CLPTM1L: variants seen among roughly 807,000 people sequenced by gnomAD.
CLPTM1L encodes the protein CLPTM1 like, also known as lipid scramblase CLPTM1L.
Under a neutral mutation model 70.9 loss-of-function variants are expected in CLPTM1L, and 38 were observed. The ratio of observed to expected loss-of-function variants is 0.54; its 90% CI spans 0.41 to 0.70. The LOEUF (loss-of-function observed/expected upper bound fraction) is 0.70, where lower values mean the gene tolerates loss of function less well. Ranked by LOEUF, CLPTM1L falls within the 30% of genes least tolerant of loss-of-function variation. The pLI, the probability that CLPTM1L is intolerant of heterozygous loss-of-function variation, is 0.00. For synonymous variants in CLPTM1L, 339 were observed against 299.9 expected, an observed-to-expected ratio of 1.13 and a Z score of -1.35; for missense variants, 652 against 705.9, an observed-to-expected ratio of 0.92 and a Z score of 0.87.
intron 8 of CLPTM1L, chr5:1,331,432 C>G: frequency 3.1e-6 from 1 of 317,686 alleles, no homozygotes; most frequent in South Asian, 6.7e-5. Context: ...GCGAGGGAAC[C>G]AAGACAGGGG....
chr5:1,338,111 C>T, intron 4 of CLPTM1L, 129 bp from the exon 5 acceptor site: 1 of 741,188 alleles, frequency 1.3e-6, no homozygotes, highest in East Asian at 2.7e-5. Flanking sequence ...TTCTCAGTCA[C>T]AATGACCCCA....
At chr5:1,321,548 T>C in intron 15 of CLPTM1L, 87 bp downstream of exon 15, 1 of 1,162,284 alleles carries the variant, frequency 8.6e-7, no homozygotes, top group Middle Eastern at 1.9e-4. Context: ...TGGGCAGAGA[T>C]GGCCCCAGTA....
chr5:1,328,311 A>G (rs1293258937), intron 9 of CLPTM1L, among the ~76,000 whole-genome samples: 3 of 140,016 alleles, frequency 2.1e-5, no homozygotes, highest in African/African-American at 8.6e-5. Context: ...CATTTCATCC[A>G]GCTACTCCTC....
intron 10 of CLPTM1L, 133 bp from the exon 11 acceptor site, chr5:1,324,946 T>C (rs1752425377): frequency 6.5e-6 from 5 of 769,298 alleles, no homozygotes; most frequent in Middle Eastern, 2.7e-4. Context: ...CTCAGGTCCC[T>C]ACCAGGCGAG....
chr5:1,318,587 CAGA>C lies in CLPTM1L; in HGVS notation c.1533-137_1533-135del. The C allele has an allele frequency of 1.1e-5, 8 of 718,598 alleles. No homozygotes were observed. The highest frequency in any genetic ancestry group is 1.9e-5 in the Non-Finnish European group (8 of 423,108). 44.5% of individuals were successfully genotyped at this position (718,598 alleles called of 1,614,324 possible). A position where few individuals can be genotyped will look rare whatever the true frequency, so the allele number is the denominator to read the frequency against. On this transcript the variant is annotated intron_variant, in intron 16 of 16. Transcript: ENST00000320895. This position sits in a 1 kb window ranked among gnomAD's most constrained non-coding sequence, Gnocchi z 8.9. ...CAAATTAACTAAAAAGTCGAATCCT[CAGA>C]AGTTTTACTGCCGAGGGCTGAGGAG...
In CLPTM1L at chr5:1,329,846, GGCCTCAGGACTCTCTGCTTGGTGGACAGA is replaced by G. The variant is rs1561239142; in HGVS notation, c.1080+405_1080+433del. On this transcript the variant is annotated intron_variant, in intron 9 of 16. Coordinates refer to ENST00000320895, the MANE Select transcript of CLPTM1L (RefSeq NM_030782.5). The stretch of plus-strand genomic sequence containing the variant: ...TCAGGACTCTCTGCTTGGTGGACAG[GGCCTCAGGACTCTCTGCTTGGTGGACAGA>G]GCCTCAGGACTCTCTGCTTGGTGGA... 5.6e-3 allele frequency among the ~76,000 whole-genome samples: 472 copies of G among 84,536 alleles called. 6 individuals carry two copies. The highest frequency in any genetic ancestry group is 0.023 in the African/African-American group (355 of 15,634). 55.5% of individuals were successfully genotyped at this position (84,536 alleles called of 152,430 possible).
intron 3 of CLPTM1L, 24 bp from the exon 4 acceptor site, chr5:1,339,029 C>T (rs780432615): frequency 1.1e-5 from 18 of 1,606,618 alleles, no homozygotes; most frequent in South Asian, 5.5e-5. Context: ...AAAACAGAGG[C>T]CAATGCTGGG....
At chr5:1,338,306 C>A in intron 4 of CLPTM1L, 1 of 398,436 alleles carries the variant, frequency 2.5e-6, no homozygotes. Flanking sequence ...ACGGAGCAAT[C>A]CCAGGATGCA....
intron 7 of CLPTM1L, chr5:1,332,151 T>TG: frequency 2.1e-6 from 1 of 466,198 alleles, no homozygotes; most frequent in Admixed American, 3.4e-5. Flanking sequence ...CCCAGGCAAT[T>TG]GGAGGCTCTG....
chr5:1,334,895 A>C (rs1753462695), intron 6 of CLPTM1L, among the ~76,000 whole-genome samples, 162 bp downstream of exon 6: 1 of 152,260 alleles, frequency 6.6e-6, no homozygotes, highest in Non-Finnish European at 1.5e-5. Context: ...GTCATCTCCA[A>C]GGAGAGAAGT....
At chr5:1,339,378 G>C (rs1044195128) in intron 3 of CLPTM1L, among the ~76,000 whole-genome samples, 6 of 141,954 alleles carry the variant, frequency 4.2e-5, no homozygotes, top group African/African-American at 1.6e-4. Flanking sequence ...AACCGCACCC[G>C]GACAGCAGGG....
chr5:1,324,345 C>T (rs1752374188), intron 11 of CLPTM1L, among the ~76,000 whole-genome samples: 1 of 152,222 alleles, frequency 6.6e-6, no homozygotes, highest in African/African-American at 2.4e-5. Flanking sequence ...TCCAGCTCCC[C>T]CAACAGCAAT....
chr5:1,345,014 C>A lies in CLPTM1L; in HGVS notation c.-173G>T. Reference sequence around the variant, plus strand: ...GCGCGCCGCAGACCGCCGGCCGCCCCGCATGCTCCGGCCCCGCTCCCACCT... The same window carrying A: ...GCGCGCCGCAGACCGCCGGCCGCCCAGCATGCTCCGGCCCCGCTCCCACCT... On this transcript the variant is annotated 5_prime_UTR_variant, in exon 1 of 17. Coordinates refer to ENST00000320895, the MANE Select transcript of CLPTM1L (RefSeq NM_030782.5). The A allele has an allele frequency of 4.8e-6, 1 of 209,058 alleles. No homozygotes were observed. The highest frequency in any genetic ancestry group is 1.5e-4 in the South Asian group (1 of 6,766). The allele number at this position is 209,058 out of a possible 1,614,324, so 13.0% of individuals were successfully genotyped here. A position where few individuals can be genotyped will look rare whatever the true frequency, so the allele number is the denominator to read the frequency against.
Position 1,342,351 on chromosome 5 carries a change from T to C in CLPTM1L, c.264-491A>G, listed in dbSNP as rs1480311946. On this transcript the variant is annotated intron_variant, in intron 2 of 16. Transcript: ENST00000320895. This position sits in a 1 kb window ranked among gnomAD's most constrained non-coding sequence, Gnocchi z 4.3. ...TTAATGTGGGTAGTTTTTTTGGGTG[T>C]TGTAGTTTTAAGGATAAAAAGATGA... is the stretch of plus-strand genomic sequence containing the variant. Among the ~76,000 whole-genome samples the C allele has an allele frequency of 3.9e-5, 6 of 152,110 alleles. No individual in the cohort carries two copies. Among genetic ancestry groups the C allele is most frequent in the Admixed American group, 3.9e-4 (6 of 15,280 alleles).
intron 7 of CLPTM1L, among the ~76,000 whole-genome samples, chr5:1,332,855 T>A (rs1376701656): frequency 6.6e-6 from 1 of 152,230 alleles, no homozygotes; most frequent in African/African-American, 2.4e-5. Flanking sequence ...GATACACATA[T>A]TCAGACATCC....
intron 5 of CLPTM1L, among the ~76,000 whole-genome samples, chr5:1,335,862 C>T (rs1390911558): frequency 5.3e-5 from 8 of 152,202 alleles, no homozygotes; most frequent in Admixed American, 3.3e-4. Flanking sequence ...TGGGCAGTGA[C>T]CACACCCGGT....
chr5:1,344,922 C>G lies in CLPTM1L; in HGVS notation c.-81G>C, dbSNP rs1393330784. 2 of 821,852 alleles carry G rather than the reference C, an allele frequency of 2.4e-6. No individual in the cohort carries two copies. The highest frequency in any genetic ancestry group is 2.9e-6 in the Non-Finnish European group (2 of 686,206). 50.9% of individuals were successfully genotyped at this position (821,852 alleles called of 1,614,324 possible). ...CCGCCCGGCGCCCAGCCCGCCGCTC[C>G]GGGCTCCGCCGCTCACTGGAGAGCC... On this transcript the variant is annotated 5_prime_UTR_variant, in exon 1 of 17. Coordinates refer to ENST00000320895, the MANE Select transcript of CLPTM1L (RefSeq NM_030782.5).
chr5:1,328,382 CA>C, intron 9 of CLPTM1L, among the ~76,000 whole-genome samples: 1 of 146,774 alleles, frequency 6.8e-6, no homozygotes, highest in African/African-American at 2.6e-5. Flanking sequence ...TCCTCCTCTA[CA>C]GGGACATTTC....
intron 4 of CLPTM1L, among the ~76,000 whole-genome samples, chr5:1,338,594 C>T (rs1046926636): frequency 3.3e-5 from 5 of 152,256 alleles, no homozygotes; most frequent in African/African-American, 4.8e-5. Flanking sequence ...TTCCCATCAG[C>T]GCCTTCCGTT....
Sources: gnomAD v4.1 joint callset for allele counts (sites outside exome capture counted in the v4.1 genomes callset) on GRCh38, gnomAD v4.1.1 for gene constraint, Gnocchi (gnomAD v3.1) non-coding constraint, MANE v1.5 for transcripts, NCBI Gene and HGNC (gene_info 2026-07-23, HGNC 2026-07-21) for gene names.